HMGB1: variants seen among roughly 807,000 people sequenced by gnomAD.
The protein encoded by HMGB1 is high mobility group protein B1.
For synonymous variants in HMGB1, 81 were observed against 84.0 expected (o/e 0.96, Z 0.19); for missense variants, 79 against 253.5 (o/e 0.31, Z 4.67).
intron 1 of HMGB1, among the ~76,000 whole-genome samples, chr13:30,538,801 T>TTCTTTCTTCCTG (rs1338325050): frequency 6.7e-6 from 1 of 149,064 alleles, no homozygotes; most frequent in Non-Finnish European, 1.5e-5. Flanking sequence ...CTTTCTTCCT[T>TTCTTTCTTCCTG]TCTCTCTCTC....
At chr13:30,486,446 A>G (rs894410154) in intron 1 of HMGB1, among the ~76,000 whole-genome samples, 1 of 152,230 alleles carries the variant, frequency 6.6e-6, no homozygotes, top group African/African-American at 2.4e-5. Context: ...TGGCAGTGGT[A>G]TGGATGACGG....
intron 1 of HMGB1, among the ~76,000 whole-genome samples, chr13:30,561,064 C>T (rs1239048400): frequency 6.6e-6 from 1 of 151,650 alleles, no homozygotes; most frequent in Non-Finnish European, 1.5e-5. Context: ...GAGCCAGGTA[C>T]CCCCTGGATT....
intron 1 of HMGB1, among the ~76,000 whole-genome samples, chr13:30,535,599 T>TA (rs1348272317): frequency 6.6e-6 from 1 of 152,156 alleles, no homozygotes; most frequent in Non-Finnish European, 1.5e-5. Flanking sequence ...TGTGCACTTT[T>TA]AAAAAACCTG....
chr13:30,607,738 A>G (rs192139354), intron 1 of HMGB1, among the ~76,000 whole-genome samples: 125 of 152,334 alleles, frequency 8.2e-4, no homozygotes, highest in African/African-American at 3.0e-3. Context: ...AGAGCTAGAC[A>G]GGAAGGGGCT....
intron 1 of HMGB1, among the ~76,000 whole-genome samples, chr13:30,567,635 C>G (rs187860560): frequency 6.6e-6 from 1 of 152,216 alleles, no homozygotes; most frequent in African/African-American, 2.4e-5. Flanking sequence ...CAGGCATGAA[C>G]CACTGCGCCC....
chr13:30,550,811 A>G (rs1401183520), intron 1 of HMGB1, among the ~76,000 whole-genome samples: 1 of 152,218 alleles, frequency 6.6e-6, no homozygotes, highest in African/African-American at 2.4e-5. Flanking sequence ...CGTTCTTTAA[A>G]TTCATGTGTC....
rs1886302031 is a variant in HMGB1, at chr13:30,461,173, A to C, written c.*184T>G. The C allele has an allele frequency of 3.8e-6, 5 of 1,306,746 alleles. No homozygotes were observed. The South Asian group carries it at 8.2e-5, about 22-fold the overall frequency. 80.9% of individuals were successfully genotyped at this position (1,306,746 alleles called of 1,614,324 possible). A position where few individuals can be genotyped will look rare whatever the true frequency, so the allele number is the denominator to read the frequency against. On this transcript the variant is annotated 3_prime_UTR_variant, in exon 5 of 5. Coordinates refer to ENST00000341423, the MANE Select transcript of HMGB1 (RefSeq NM_002128.7). ...GTTAGTGGCTATTGAAAATACCACC[A>C]GGACAGGGCTATCTAAAGACACATT...
At position 30,583,424 on chromosome 13, in the gene HMGB1, G is replaced by A. The variant is rs532020789; in HGVS notation, c.-15+33247C>T. ...GGTGCACCTATAGTCCCAGCTACTC[G>A]GGCGGCTGAGCTGGGAGGATCACTT... On this transcript the variant is annotated intron_variant, in intron 1 of 4. Coordinates refer to the HMGB1 transcript ENST00000405805. 2.0e-4 allele frequency among the ~76,000 whole-genome samples: 30 copies of A among 150,316 alleles called. 1 individual carries two copies. Among genetic ancestry groups the A allele is most frequent in the African/African-American group, 6.4e-4 (26 of 40,806 alleles).
chr13:30,613,929 G>C (rs1950536460), intron 1 of HMGB1, among the ~76,000 whole-genome samples: 1 of 151,634 alleles, frequency 6.6e-6, no homozygotes. Flanking sequence ...AAAAGGATAG[G>C]GTAGATGAAA....
chr13:30,545,891 G>A (rs1225220174), intron 1 of HMGB1, among the ~76,000 whole-genome samples: 3 of 151,842 alleles, frequency 2.0e-5, no homozygotes, highest in Non-Finnish European at 4.4e-5. Context: ...TTATAGAAAC[G>A]GGTTTTCAAC....
At chr13:30,567,502 C>T (rs1593316688) in intron 1 of HMGB1, among the ~76,000 whole-genome samples, 1 of 151,864 alleles carries the variant, frequency 6.6e-6, no homozygotes, top group African/African-American at 2.4e-5. Flanking sequence ...GGTGTGCACC[C>T]CCACACCCAG....
chr13:30,478,959 C>T, intron 1 of HMGB1, among the ~76,000 whole-genome samples: 1 of 151,272 alleles, frequency 6.6e-6, no homozygotes. Context: ...ACCTCTGCCT[C>T]CCGGGTTCAA....
At chr13:30,467,010 A>T (rs1886807171), upstream of HMGB1, among the ~76,000 whole-genome samples, 1 of 152,216 alleles carries the variant, frequency 6.6e-6, no homozygotes, top group Admixed American at 6.5e-5. Flanking sequence ...GCAGGCAGAG[A>T]GTGCATGTGC....
At chr13:30,549,192 G>C (rs1479608874) in intron 1 of HMGB1, among the ~76,000 whole-genome samples, 4 of 151,980 alleles carry the variant, frequency 2.6e-5, no homozygotes, top group South Asian at 4.2e-4. Context: ...AGCTACTCAG[G>C]TGCTCGCTTG....
intron 1 of HMGB1, among the ~76,000 whole-genome samples, chr13:30,502,242 T>C (rs1399990684): frequency 1.1e-4 from 16 of 152,232 alleles, no homozygotes; most frequent in African/African-American, 3.6e-4. Flanking sequence ...ACTTAACAAA[T>C]ATTTATTGAG....
At chr13:30,479,474 GT>G (rs1887178904) in intron 1 of HMGB1, among the ~76,000 whole-genome samples, 1 of 152,186 alleles carries the variant, frequency 6.6e-6, no homozygotes, top group African/African-American at 2.4e-5. Flanking sequence ...AATTCTAGCA[GT>G]TGTTTTTGAC....
At chr13:30,514,125 CT>C (rs1888050850) in intron 1 of HMGB1, among the ~76,000 whole-genome samples, 1 of 151,908 alleles carries the variant, frequency 6.6e-6, no homozygotes, top group Non-Finnish European at 1.5e-5. Context: ...CTCATCTGGA[CT>C]GTTATGGAAG....
At chr13:30,617,569 C>G (rs1179088622) in exon 1 of HMGB1, 1 of 152,290 alleles carries the variant, frequency 6.6e-6, no homozygotes, top group Admixed American at 6.5e-5. Context: ...AAGCAGGTCT[C>G]TTTCGTCAGC....
chr13:30,541,202 GAAAC>G (rs1173637886), intron 1 of HMGB1, among the ~76,000 whole-genome samples: 4 of 152,142 alleles, frequency 2.6e-5, no homozygotes, highest in African/African-American at 9.7e-5. Flanking sequence ...GCTGGAAAAC[GAAAC>G]TCAGAGCTAG....
Sources: allele counts gnomAD v4.1 joint callset (sites outside exome capture counted in the v4.1 genomes callset), GRCh38; gene constraint gnomAD v4.1.1; transcripts MANE v1.5; gene names NCBI Gene and HGNC (gene_info 2026-07-23, HGNC 2026-07-21).